Variants in HS6ST3 observed in about 807,000 individuals in gnomAD.
HS6ST3 encodes heparan sulfate 6-O-sulfotransferase 3, also known as heparan-sulfate 6-O-sulfotransferase 3.
HS6ST3 carries 12 observed loss-of-function variants against 36.7 expected under a neutral mutation model. That is an observed-to-expected ratio of 0.33 (90% CI 0.21 to 0.53). HS6ST3 has a LOEUF of 0.53. Ranked by LOEUF, HS6ST3 falls within the 20% of genes least tolerant of loss-of-function variation. The pLI is 0.95. For synonymous variants in HS6ST3, 240 were observed against 257.5 expected (o/e 0.93, Z 0.65); for missense variants, 584 against 640.9 (o/e 0.91, Z 0.96).
chr13:96,301,774 G>A (rs1042206325), intron 1 of HS6ST3, among the ~76,000 whole-genome samples: 4 of 151,582 alleles, frequency 2.6e-5, no homozygotes, highest in African/African-American at 9.7e-5. Context: ...GTTGGGCACG[G>A]TGGTGGGTGC....
At chr13:96,388,727 G>T (rs898015975) in intron 1 of HS6ST3, among the ~76,000 whole-genome samples, 4 of 152,100 alleles carry the variant, frequency 2.6e-5, no homozygotes, top group African/African-American at 9.7e-5. Context: ...GAATCATGGG[G>T]GTGGTTTCCC....
intron 1 of HS6ST3, among the ~76,000 whole-genome samples, chr13:96,108,317 T>G (rs1202042959): frequency 1.3e-5 from 2 of 152,302 alleles, no homozygotes; most frequent in East Asian, 3.9e-4. Context: ...CGAATTCTAG[T>G]CAGACCGGTT....
At chr13:96,535,177 G>T (rs2056150400) in intron 1 of HS6ST3, among the ~76,000 whole-genome samples, 1 of 152,118 alleles carries the variant, frequency 6.6e-6, no homozygotes, top group Non-Finnish European at 1.5e-5. Flanking sequence ...AATGGGACAT[G>T]AAGGAGACAG....
intron 1 of HS6ST3, among the ~76,000 whole-genome samples, chr13:96,497,551 C>G (rs942730391): frequency 6.6e-6 from 1 of 152,140 alleles, no homozygotes; most frequent in Non-Finnish European, 1.5e-5. Flanking sequence ...GATGCAGCAG[C>G]CTTCTAACTC....
chr13:96,757,920 CT>C (rs1432810029), intron 1 of HS6ST3, among the ~76,000 whole-genome samples: 4 of 151,810 alleles, frequency 2.6e-5, no homozygotes, highest in Non-Finnish European at 5.9e-5. Context: ...TTGAATTTTT[CT>C]TTTTTGAAAT....
intron 1 of HS6ST3, among the ~76,000 whole-genome samples, chr13:96,567,787 A>G (rs927380370): frequency 6.6e-6 from 1 of 152,218 alleles, no homozygotes; most frequent in Non-Finnish European, 1.5e-5. Flanking sequence ...TAGAAAATAT[A>G]CCAACAGAAA....
chr13:96,654,349 A>G (rs938555460), intron 1 of HS6ST3, among the ~76,000 whole-genome samples: 32 of 152,228 alleles, frequency 2.1e-4, no homozygotes, highest in Admixed American at 2.6e-4. Flanking sequence ...TAGGTCTTAC[A>G]TTTAAGTCTT....
chr13:96,765,428 C>G (rs988571975), intron 1 of HS6ST3, among the ~76,000 whole-genome samples: 2 of 152,166 alleles, frequency 1.3e-5, no homozygotes, highest in African/African-American at 4.8e-5. Context: ...CACCTTTAGC[C>G]TCCTCTCCCT....
chr13:96,789,763 T>A (rs2389713), intron 1 of HS6ST3, among the ~76,000 whole-genome samples: 55,727 of 150,474 alleles, frequency 0.37, 11,661 homozygotes, highest in African/African-American at 0.6. Context: ...GGTTTAGATT[T>A]AAAAAAAAAC....
chr13:96,223,606 T>C (rs2054466154), intron 1 of HS6ST3, among the ~76,000 whole-genome samples: 1 of 151,676 alleles, frequency 6.6e-6, no homozygotes, highest in Non-Finnish European at 1.5e-5. Context: ...AGCTGTACTT[T>C]GTGGTGATAC....
intron 1 of HS6ST3, among the ~76,000 whole-genome samples, chr13:96,322,166 GA>G (rs549610888): frequency 6.0e-4 from 92 of 152,200 alleles, no homozygotes; most frequent in Admixed American, 1.9e-3. Context: ...ATCTGTTCAA[GA>G]ACATTATTCC....
At chr13:96,256,157 G>A (rs545441901) in intron 1 of HS6ST3, among the ~76,000 whole-genome samples, 5 of 152,262 alleles carry the variant, frequency 3.3e-5, no homozygotes, top group African/African-American at 9.6e-5. Context: ...TGGTAGTGCC[G>A]TCATGCCATA....
At chr13:96,587,319 T>C (rs2056365652) in intron 1 of HS6ST3, among the ~76,000 whole-genome samples, 1 of 152,198 alleles carries the variant, frequency 6.6e-6, no homozygotes, top group African/African-American at 2.4e-5. Context: ...AGGATTTTTT[T>C]TTTCTATTTT....
chr13:96,245,510 T>C (rs1566299924), intron 1 of HS6ST3, among the ~76,000 whole-genome samples: 1 of 152,182 alleles, frequency 6.6e-6, no homozygotes, highest in African/African-American at 2.4e-5. Flanking sequence ...AGGGACCTTA[T>C]AGATGTTGAG....
At chr13:96,706,272 C>T (rs1221528385) in intron 1 of HS6ST3, among the ~76,000 whole-genome samples, 1 of 151,560 alleles carries the variant, frequency 6.6e-6, no homozygotes, top group Non-Finnish European at 1.5e-5. Flanking sequence ...CTGTGTTACA[C>T]CCAGAGATGG....
chr13:96,412,029 G>A (rs148150573), intron 1 of HS6ST3, among the ~76,000 whole-genome samples: 67 of 151,502 alleles, frequency 4.4e-4, no homozygotes, highest in East Asian at 3.9e-3. Flanking sequence ...TTTTTGAGAC[G>A]GATTCTCGCT....
chr13:96,758,278 T>C (rs930658986), intron 1 of HS6ST3, among the ~76,000 whole-genome samples: 3 of 151,984 alleles, frequency 2.0e-5, no homozygotes, highest in Non-Finnish European at 4.4e-5. Flanking sequence ...ATTTATTTAG[T>C]CTATCATTTA....
chr13:96,597,553 T>C (rs906155439), intron 1 of HS6ST3, among the ~76,000 whole-genome samples: 1 of 151,934 alleles, frequency 6.6e-6, no homozygotes, highest in Admixed American at 6.6e-5. Flanking sequence ...TTTTTCTTGA[T>C]GATTTGAGTT....
intron 1 of HS6ST3, among the ~76,000 whole-genome samples, chr13:96,413,447 G>A (rs1326090340): frequency 6.6e-6 from 1 of 152,142 alleles, no homozygotes; most frequent in Non-Finnish European, 1.5e-5. Context: ...GGTCAGAAAA[G>A]AAATTGGGGG....
Sources: gnomAD v4.1 joint callset for allele counts (sites outside exome capture counted in the v4.1 genomes callset) on GRCh38, gnomAD v4.1.1 for gene constraint, MANE v1.5 for transcripts, NCBI Gene and HGNC (gene_info 2026-07-23, HGNC 2026-07-21) for gene names.